The following MEIKIN variants were observed in gnomAD, a reference collection of about 807,000 sequenced individuals.
MEIKIN encodes the protein meiosis-specific kinetochore protein.
At chr5:131,831,338 T>A (rs1749712197) in intron 11 of MEIKIN, among the ~76,000 whole-genome samples, 1 of 152,122 alleles carries the variant, frequency 6.6e-6, no homozygotes, top group African/African-American at 2.4e-5. Context: ...CTGCTTGAGG[T>A]CAGGAGTTTG....
intron 8 of MEIKIN, among the ~76,000 whole-genome samples, chr5:131,902,041 T>G (rs886691900): frequency 4.5e-4 from 69 of 152,258 alleles, no homozygotes; most frequent in Middle Eastern, 3.4e-3. Context: ...TCTGGTCCTT[T>G]AAAAGTGTAT....
At chr5:131,878,760 A>C (rs1452561826) in intron 9 of MEIKIN, 1 of 337,700 alleles carries the variant, frequency 3.0e-6, no homozygotes, top group Admixed American at 4.8e-5. Flanking sequence ...CTGTAGTTCC[A>C]GTTACTCAGG....
chr5:131,854,208 A>T (rs1013015634), intron 10 of MEIKIN, among the ~76,000 whole-genome samples: 2 of 152,200 alleles, frequency 1.3e-5, no homozygotes, highest in African/African-American at 4.8e-5. Flanking sequence ...GAATTTGAAG[A>T]TGCCATGCTA....
At chr5:131,843,100 G>A (rs1749946020) in intron 11 of MEIKIN, among the ~76,000 whole-genome samples, 1 of 152,232 alleles carries the variant, frequency 6.6e-6, no homozygotes, top group Admixed American at 6.5e-5. Context: ...GCCCCTTTTG[G>A]CCATGGATGG....
intron 9 of MEIKIN, among the ~76,000 whole-genome samples, chr5:131,870,328 G>C (rs1750465289): frequency 6.6e-6 from 1 of 151,992 alleles, no homozygotes; most frequent in African/African-American, 2.4e-5. Context: ...CCTTTTCTGG[G>C]TGAAATGATT....
intron 12 of MEIKIN, 103 bp from the exon 13 acceptor site, chr5:131,807,361 A>C (rs1772865130): frequency 2.5e-6 from 1 of 395,990 alleles, no homozygotes; most frequent in Non-Finnish European, 4.4e-6. Context: ...TGCCCAGGTC[A>C]CTCTAGTTTC....
At chr5:131,925,532 A>C (rs1304162808) in intron 5 of MEIKIN, among the ~76,000 whole-genome samples, 5 of 152,226 alleles carry the variant, frequency 3.3e-5, no homozygotes, top group African/African-American at 4.8e-5. Context: ...ATGATATTGT[A>C]AATGAGATTG....
intron 9 of MEIKIN, among the ~76,000 whole-genome samples, chr5:131,863,557 C>CTCTTTT (rs1750325538): frequency 1.5e-5 from 1 of 68,434 alleles, no homozygotes; most frequent in Non-Finnish European, 2.4e-5. Flanking sequence ...CTTCTTTGTC[C>CTCTTTT]TTTTTTTTTT....
At chr5:131,883,445 CTTGT>C (rs1471620087) in intron 8 of MEIKIN, among the ~76,000 whole-genome samples, 1 of 152,204 alleles carries the variant, frequency 6.6e-6, no homozygotes, top group Non-Finnish European at 1.5e-5. Context: ...GAAGTACTTT[CTTGT>C]TTATTTGTTT....
intron 9 of MEIKIN, among the ~76,000 whole-genome samples, chr5:131,863,212 T>C (rs1313022596): frequency 1.3e-5 from 2 of 152,194 alleles, no homozygotes; most frequent in African/African-American, 4.8e-5. Context: ...TAACATAGGA[T>C]CTATCCTGGA....
intron 8 of MEIKIN, among the ~76,000 whole-genome samples, chr5:131,888,983 C>G (rs1008427254): frequency 6.6e-6 from 1 of 152,138 alleles, no homozygotes; most frequent in African/African-American, 2.4e-5. Context: ...TTTCCCATTG[C>G]TTGTTTATGT....
At chr5:131,901,703 G>A (rs950112674) in intron 8 of MEIKIN, among the ~76,000 whole-genome samples, 2 of 152,106 alleles carry the variant, frequency 1.3e-5, no homozygotes, top group African/African-American at 4.8e-5. Context: ...CACAGAATTG[G>A]AGCACACAAT....
intron 11 of MEIKIN, among the ~76,000 whole-genome samples, chr5:131,832,751 G>A (rs188484323): frequency 6.6e-6 from 1 of 152,358 alleles, no homozygotes; most frequent in East Asian, 1.9e-4. Context: ...AATACCATGT[G>A]GAAGCTGCCA....
chr5:131,832,428 C>T (rs1200813233), intron 11 of MEIKIN, among the ~76,000 whole-genome samples: 1 of 152,156 alleles, frequency 6.6e-6, no homozygotes, highest in East Asian at 1.9e-4. Context: ...AACCTCCCTC[C>T]TGGATGCTTT....
intron 9 of MEIKIN, among the ~76,000 whole-genome samples, chr5:131,859,599 G>C (rs1008267149): frequency 2.8e-4 from 43 of 152,110 alleles, no homozygotes; most frequent in African/African-American, 1.0e-3. Flanking sequence ...AGCTCCCTGA[G>C]GCCTCCCCAG....
At chr5:131,826,899 A>G (rs984606723) in intron 11 of MEIKIN, among the ~76,000 whole-genome samples, 6 of 152,244 alleles carry the variant, frequency 3.9e-5, no homozygotes, top group African/African-American at 1.2e-4. Context: ...GTATCCTTAT[A>G]GCAGTGTGAG....
chr5:131,860,379 T>G (rs1052694299), intron 9 of MEIKIN, among the ~76,000 whole-genome samples: 14 of 141,504 alleles, frequency 9.9e-5, no homozygotes, highest in African/African-American at 3.8e-4. Context: ...TGTATAGAAA[T>G]GCTGATTTTT....
intron 11 of MEIKIN, among the ~76,000 whole-genome samples, chr5:131,835,329 A>G (rs1749788050): frequency 6.6e-6 from 1 of 152,026 alleles, no homozygotes; most frequent in Non-Finnish European, 1.5e-5. Context: ...TGTATTCATC[A>G]CGTTGTTTTC....
chr5:131,935,105 A>G (rs906754468), intron 4 of MEIKIN, among the ~76,000 whole-genome samples: 52 of 151,346 alleles, frequency 3.4e-4, no homozygotes, highest in African/African-American at 1.2e-3. Flanking sequence ...ACAGATAGGG[A>G]GAAAACATTT....
Sources: gnomAD v4.1 joint callset for allele counts (sites outside exome capture counted in the v4.1 genomes callset) on GRCh38, gnomAD v4.1.1 for gene constraint, MANE v1.5 for transcripts, NCBI Gene and HGNC (gene_info 2026-07-23, HGNC 2026-07-21) for gene names.